FAT2: variants seen among roughly 807,000 people sequenced by gnomAD.
FAT2 encodes the protein FAT atypical cadherin 2.
FAT2 carries 150 observed loss-of-function variants against 295.3 expected under a neutral mutation model. The ratio of observed to expected loss-of-function variants is 0.51; its 90% CI spans 0.44 to 0.58. The LOEUF (loss-of-function observed/expected upper bound fraction) is 0.58, where lower values mean the gene tolerates loss of function less well. FAT2 is among the 20% of genes least tolerant of loss of function. The pLI is 0.00. For synonymous variants in FAT2, 2,026 were observed against 2,150.3 expected (o/e 0.94, Z 1.60); for missense variants, 4,868 against 5,442.7 (o/e 0.89, Z 3.32).
intron 21 of FAT2, chr5:151,510,907 G>A (rs1229054331): frequency 6.6e-6 from 1 of 152,424 alleles, no homozygotes; most frequent in African/African-American, 2.4e-5. Context: ...GGGCCAGCCT[G>A]GTGAGGGACA....
chr5:151,566,112 G>T lies in FAT2; in HGVS notation c.2820C>A (p.Pro940=), dbSNP rs118148786. Residue 940 remains proline, a synonymous_variant, in exon 2 of 24, where the codon CCC becomes CCA. Coordinates refer to ENST00000261800, the MANE Select transcript of FAT2 (RefSeq NM_001447.3). ...CATCCAGAAATGTCAAGACAGTCCC[G>T]GGGGGCAGGTCCTCTGGAACCTTCA... ...NRLKVPEDLP[P]GTVLTFLDAS... is the part of the protein sequence containing the mutation. 702 of 1,614,026 alleles carry T rather than the reference G, an allele frequency of 4.3e-4. 8 individuals carry two copies. The East Asian group carries it at 0.016, about 36-fold the overall frequency.
intron 18 of FAT2, among the ~76,000 whole-genome samples, chr5:151,525,204 G>C (rs1208858032): frequency 5.3e-5 from 8 of 152,218 alleles, no homozygotes; most frequent in Admixed American, 5.2e-4. Context: ...ATTTAGGAAA[G>C]AGATTTGGAG....
Position 151,549,281 on chromosome 5 carries a change from G to T in FAT2, c.4789+14C>A, listed in dbSNP as rs2127618751. 1 of 1,610,964 alleles carries T rather than the reference G, an allele frequency of 6.2e-7. No homozygotes were observed. Among genetic ancestry groups the T allele is most frequent in the Non-Finnish European group, 8.5e-7 (1 of 1,179,116 alleles). On this transcript the variant is annotated intron_variant, in intron 9 of 23. Transcript: ENST00000261800. ...TCTTGACCCATCCTCTGAGCTCATG[G>T]CCAGGCCTCTCACCTTTCAGGAGGG...
chr5:151,537,335 AAAGAAAAG>A (rs1354778024), intron 12 of FAT2, among the ~76,000 whole-genome samples: 4 of 524 alleles, frequency 7.6e-3, no homozygotes, highest in African/African-American at 0.01. Flanking sequence ...AAAAGAAAGA[AAAGAAAAG>A]AAAAGAAAAA....
chr5:151,587,166 C>CAAAAAAAAAAACAAAACA (rs71575107), intron 1 of FAT2, among the ~76,000 whole-genome samples: 1 of 147,134 alleles, frequency 6.8e-6, no homozygotes, highest in Non-Finnish European at 1.5e-5. Flanking sequence ...CAAAACAAAA[C>CAAAAAAAAAAACAAAACA]AAAAAAAAAA....
intron 2 of FAT2, among the ~76,000 whole-genome samples, chr5:151,564,225 G>C (rs6878627): frequency 0.48 from 73,195 of 151,724 alleles, 17,804 homozygotes; most frequent in Non-Finnish European, 0.53. Context: ...GCTTACACCT[G>C]AAGTTCTCAT....
intron 21 of FAT2, chr5:151,511,236 G>A (rs956472031): frequency 2.0e-5 from 3 of 152,184 alleles, no homozygotes; most frequent in African/African-American, 7.2e-5. Flanking sequence ...ACAAAAATCA[G>A]AAAAAGGGGT....
Position 151,571,928 on chromosome 5 carries a change from C to G in FAT2, c.-20-2977G>C, listed in dbSNP as rs79634797. Among the ~76,000 whole-genome samples the G allele has an allele frequency of 6.8e-3, 1,038 of 152,334 alleles. 10 individuals carry two copies. Among genetic ancestry groups the G allele is most frequent in the African/African-American group, 0.024 (1,008 of 41,578 alleles). On this transcript the variant is annotated intron_variant, in intron 1 of 23. Transcript: ENST00000261800. ...CTCTGCACCTCCTGGGCCCATGCTA[C>G]TTCTCCAGTTCACAAGCTGCAGCCA...
rs1754612838 is a variant in FAT2 at position 151,531,592 on chromosome 5, C to A, written c.9806G>T (p.Arg3269Leu). 3 of 1,612,208 alleles carry A rather than the reference C, an allele frequency of 1.9e-6. No homozygotes were observed. Among genetic ancestry groups the A allele is most frequent in the Admixed American group, 3.3e-5 (2 of 59,986 alleles). ...NEQGRFRLDA[R>L]TGILYVNASL... ...TTGGTGGATCAGGCTCTCACCTGTG[C>A]GAGCATCCAGGCGGAACCTGCCTTG... The change falls in exon 14 of 24, where the codon CGC becomes CTC. Residue 3269 changes from arginine to leucine, a missense_variant. Around this residue, in one of 5 missense-constraint regions of FAT2, gnomAD observed 1,046 missense variants for 1,210.1 expected, o/e 0.86. Transcript: ENST00000261800. The surrounding 1 kb of genome is among the most constrained non-coding windows in gnomAD (Gnocchi z 5.7).
intron 19 of FAT2, among the ~76,000 whole-genome samples, chr5:151,521,055 T>TA (rs753761507): frequency 1.3e-5 from 2 of 152,238 alleles, no homozygotes; most frequent in African/African-American, 2.4e-5. Context: ...ATTGTAGTCT[T>TA]ACTGTTATTT....
Position 151,529,260 on chromosome 5 carries a change from T to C in FAT2, c.9944A>G (p.Asn3315Ser). The change falls in exon 15 of 24, where the codon AAT (asparagine) becomes AGT (serine). Residue 3315 changes from asparagine (N) to serine (S), a missense_variant. By Grantham distance (46) the Asn-to-Ser change is conservative (BLOSUM62 1). This residue lies in a region of FAT2 where 1,046 missense variants were observed against 1,210.1 expected (regional missense o/e 0.86). Coordinates refer to ENST00000261800, the MANE Select transcript of FAT2 (RefSeq NM_001447.3). ...TTGGGGGAATTGGGGCCGGTGTTCA[T>C]TGACATCAGTGATGTTGACCATGAC... ...TTVMVNITDV[N>S]EHRPQFPQDP... 1 of 1,614,044 alleles carries C rather than the reference T, an allele frequency of 6.2e-7. No homozygotes were observed. The highest frequency in any genetic ancestry group is 1.3e-5 in the African/African-American group (1 of 75,002).
chr5:151,573,603 G>A lies in FAT2; in HGVS notation c.-20-4652C>T, dbSNP rs148069681. On this transcript the variant is annotated intron_variant, in intron 1 of 23. Coordinates refer to ENST00000261800, the MANE Select transcript of FAT2 (RefSeq NM_001447.3). ...AGGGAGTTGGAGGTTGCAGTGAGCC[G>A]AGATCGCGCCACTGCACTCCAGCCT... 1.7e-3 allele frequency among the ~76,000 whole-genome samples: 261 copies of A among 152,298 alleles called. 5 individuals are homozygous for A. The highest frequency in any genetic ancestry group is 6.0e-3 in the African/African-American group (249 of 41,566).
At chr5:151,584,556 A>G (rs1212817381) in intron 1 of FAT2, among the ~76,000 whole-genome samples, 2 of 152,052 alleles carry the variant, frequency 1.3e-5, no homozygotes, top group Non-Finnish European at 2.9e-5. Context: ...CAGATTTAGT[A>G]CTCCCTTGGC....
At chr5:151,565,209 A>G (rs1209862205) in intron 2 of FAT2, among the ~76,000 whole-genome samples, 1 of 152,184 alleles carries the variant, frequency 6.6e-6, no homozygotes, top group Non-Finnish European at 1.5e-5. Context: ...AAATGTCTTG[A>G]TATTATATGA....
At chr5:151,550,231 C>T (rs1757060903) in intron 8 of FAT2, among the ~76,000 whole-genome samples, 1 of 152,182 alleles carries the variant, frequency 6.6e-6, no homozygotes, top group South Asian at 2.1e-4. Context: ...CCTTGCTGGC[C>T]TGACCCTAGT....
At chr5:151,510,568 A>G (rs959896507) in intron 21 of FAT2, 1 of 160,002 alleles carries the variant, frequency 6.2e-6, no homozygotes, top group African/African-American at 2.4e-5. Context: ...AGATGAGGAA[A>G]GGAGGCACAG....
rs200557129 is a variant in FAT2, at chr5:151,537,822, G to A, written c.9164C>T (p.Ala3055Val). The change falls in exon 12 of 24, where the codon GCG (alanine) becomes GTG (valine). Residue 3055 changes from alanine to valine, a missense_variant. Physicochemically the swap from Ala to Val is moderately conservative, Grantham distance 64. Coordinates refer to ENST00000261800, the MANE Select transcript of FAT2 (RefSeq NM_001447.3). ...QITYSLHGPG[A>V]HEFKLDPHTG... is the part of the protein sequence containing the mutation. ...ATGAGGATCCAGCTTGAATTCATGCGCCCCAGGGCCATGCAGAGAATATGT... is the reference window on the plus strand; with the variant it reads ...ATGAGGATCCAGCTTGAATTCATGCACCCCAGGGCCATGCAGAGAATATGT... The A allele has an allele frequency of 3.0e-4, 477 of 1,611,108 alleles. 9 individuals carry two copies. In the South Asian group the frequency reaches 5.0e-3, roughly 17 times the overall value.
intron 1 of FAT2, among the ~76,000 whole-genome samples, chr5:151,588,425 C>T (rs1759263617): frequency 6.6e-6 from 1 of 152,222 alleles, no homozygotes; most frequent in Non-Finnish European, 1.5e-5. Flanking sequence ...ACCAGACTTC[C>T]CTGGTGAGGC....
intron 9 of FAT2, among the ~76,000 whole-genome samples, chr5:151,548,483 A>G (rs1382950281): frequency 1.3e-5 from 2 of 152,088 alleles, no homozygotes; most frequent in African/African-American, 4.8e-5. Context: ...ATGTATTAAC[A>G]TACATTTTCT....
Sources: gnomAD v4.1 joint callset for allele counts (sites outside exome capture counted in the v4.1 genomes callset) on GRCh38, gnomAD v4.1.1 for gene constraint, gnomAD v4.1.1 regional missense constraint, Gnocchi (gnomAD v3.1) non-coding constraint, MANE v1.5 for transcripts, NCBI Gene and HGNC (gene_info 2026-07-23, HGNC 2026-07-21) for gene names.